Variants in SMIM31 observed in about 807,000 individuals in gnomAD.
SMIM31 encodes the protein small integral membrane protein 31, also known as human epithelial cell program regulator.
chr4:164,794,785 C>G (rs1362976761), intron 2 of SMIM31, among the ~76,000 whole-genome samples: 1 of 151,550 alleles, frequency 6.6e-6, no homozygotes, highest in Admixed American at 6.6e-5. Context: ...AGCCTGGCAA[C>G]AGAGCAAGAC....
intron 1 of SMIM31, among the ~76,000 whole-genome samples, chr4:164,763,495 T>G (rs1732678557): frequency 6.6e-6 from 1 of 152,164 alleles, no homozygotes; most frequent in African/African-American, 2.4e-5. Context: ...AGAAAAAAAC[T>G]TTTTAAAGAA....
At chr4:164,783,061 T>A (rs6840424) in intron 2 of SMIM31, among the ~76,000 whole-genome samples, 79,148 of 148,984 alleles carry the variant, frequency 0.53, 21,014 homozygotes, top group African/African-American at 0.58. Flanking sequence ...CTACTAAAAA[T>A]ACAAAAATTA....
intron 2 of SMIM31, among the ~76,000 whole-genome samples, chr4:164,778,073 G>A (rs1732900107): frequency 6.6e-6 from 1 of 151,864 alleles, no homozygotes; most frequent in Admixed American, 6.6e-5. Flanking sequence ...TTTCAAAGCT[G>A]GCCTCACAAA....
At chr4:164,769,761 C>T (rs1372201192) in intron 1 of SMIM31, among the ~76,000 whole-genome samples, 4 of 150,900 alleles carry the variant, frequency 2.7e-5, no homozygotes, top group South Asian at 2.1e-4. Flanking sequence ...AAAAAAACTC[C>T]TCTCCAATCA....
At chr4:164,798,217 T>C (rs1733230405) in intron 2 of SMIM31, among the ~76,000 whole-genome samples, 3 of 148,190 alleles carry the variant, frequency 2.0e-5, no homozygotes, top group African/African-American at 5.0e-5. Flanking sequence ...ATCTTTTTGA[T>C]ATAATGATTT....
At position 164,802,525 on chromosome 4, in the gene SMIM31, C is replaced by G. The variant is rs902830520; in HGVS notation, c.*1331C>G. ...CACTGGGATTACACGCATGAGCCAC[C>G]ATGCCTGGCCTGTTATTTATAACTC... is the stretch of plus-strand genomic sequence containing the variant. On this transcript the variant is annotated 3_prime_UTR_variant, in exon 3 of 3. Coordinates refer to ENST00000507311, the MANE Select transcript of SMIM31 (RefSeq NM_001352885.1). 1.3e-5 allele frequency: 2 copies of G among 152,260 alleles called. No individual in the cohort carries two copies. The highest frequency in any genetic ancestry group is 4.8e-5 in the African/African-American group (2 of 41,470). 9.4% of individuals were successfully genotyped at this position (152,260 alleles called of 1,614,324 possible).
chr4:164,788,055 A>G (rs1733049594), intron 2 of SMIM31, among the ~76,000 whole-genome samples: 1 of 152,180 alleles, frequency 6.6e-6, no homozygotes, highest in Non-Finnish European at 1.5e-5. Context: ...CACAATATAT[A>G]TTAGGAAGAC....
At chr4:164,759,954 G>GT (rs1293304099) in intron 1 of SMIM31, among the ~76,000 whole-genome samples, 2 of 152,192 alleles carry the variant, frequency 1.3e-5, no homozygotes, top group African/African-American at 4.8e-5. Flanking sequence ...CACTGAGAAA[G>GT]TAACACCTCT....
In SMIM31 at chr4:164,795,906, C is replaced by T. The variant is rs1287661261; in HGVS notation, c.113-5185C>T. Among the ~76,000 whole-genome samples the T allele has an allele frequency of 2.0e-5, 3 of 152,112 alleles. No individual in the cohort carries two copies. In the East Asian group the frequency reaches 5.8e-4, roughly 29 times the overall value. ...TCTAGTGAGGTGCAATATCTCAGTT[C>T]CCTCCATTCGGCTTCTGATCACAGG... On this transcript the variant is annotated intron_variant, in intron 2 of 2. Coordinates refer to ENST00000507311, the MANE Select transcript of SMIM31 (RefSeq NM_001352885.1).
At chr4:164,775,793 C>G (rs548192078) in intron 2 of SMIM31, among the ~76,000 whole-genome samples, 1 of 152,322 alleles carries the variant, frequency 6.6e-6, no homozygotes, top group East Asian at 1.9e-4. Flanking sequence ...ATTAGGGGCT[C>G]TAGCTCAGGG....
At chr4:164,772,328 G>A (rs1732815030) in intron 2 of SMIM31, among the ~76,000 whole-genome samples, 1 of 152,090 alleles carries the variant, frequency 6.6e-6, no homozygotes, top group Non-Finnish European at 1.5e-5. Context: ...GTTAAATCAT[G>A]AGAAACTGCC....
intron 2 of SMIM31, among the ~76,000 whole-genome samples, chr4:164,775,679 A>G (rs968438207): frequency 6.6e-6 from 1 of 152,210 alleles, no homozygotes; most frequent in African/African-American, 2.4e-5. Flanking sequence ...CCTATATATG[A>G]CAAACTGGTG....
chr4:164,761,572 G>A (rs1242039939), intron 1 of SMIM31, among the ~76,000 whole-genome samples: 2 of 152,104 alleles, frequency 1.3e-5, no homozygotes, highest in African/African-American at 4.8e-5. Flanking sequence ...CACCATCATA[G>A]TTATACCTGG....
At chr4:164,782,376 TA>T (rs1487444245) in intron 2 of SMIM31, among the ~76,000 whole-genome samples, 2,811 of 114,128 alleles carry the variant, frequency 0.025, 262 homozygotes, top group African/African-American at 0.2. Flanking sequence ...CTCTTTCTTT[TA>T]TTTTTTTTTT....
intron 1 of SMIM31, among the ~76,000 whole-genome samples, chr4:164,762,731 C>T (rs537565896): frequency 4.6e-5 from 7 of 150,606 alleles, no homozygotes; most frequent in Admixed American, 1.3e-4. Context: ...CTAATCAGAG[C>T]GCACAATGCT....
At chr4:164,783,617 A>G (rs1182917200) in intron 2 of SMIM31, among the ~76,000 whole-genome samples, 1 of 146,734 alleles carries the variant, frequency 6.8e-6, no homozygotes, top group Non-Finnish European at 1.5e-5. Flanking sequence ...TGCTTCTTAG[A>G]AAAACATGTG....
At chr4:164,800,381 A>G (rs935544928) in intron 2 of SMIM31, among the ~76,000 whole-genome samples, 5 of 151,738 alleles carry the variant, frequency 3.3e-5, no homozygotes, top group African/African-American at 1.2e-4. Flanking sequence ...CTAATTTTTT[A>G]ATTTTTAGTA....
At chr4:164,765,533 T>C (rs1341609889) in intron 1 of SMIM31, among the ~76,000 whole-genome samples, 9 of 151,206 alleles carry the variant, frequency 6.0e-5, no homozygotes, top group South Asian at 4.2e-4. Context: ...AAAGTGCCAC[T>C]GGTTTCAGAT....
At chr4:164,785,877 T>C (rs1299724241) in intron 2 of SMIM31, among the ~76,000 whole-genome samples, 2 of 152,126 alleles carry the variant, frequency 1.3e-5, no homozygotes, top group Admixed American at 6.6e-5. Context: ...TTATTAAATG[T>C]CATGGCTACA....
Sources: gnomAD v4.1 joint callset for allele counts (sites outside exome capture counted in the v4.1 genomes callset) on GRCh38, gnomAD v4.1.1 for gene constraint, MANE v1.5 for transcripts, NCBI Gene and HGNC (gene_info 2026-07-23, HGNC 2026-07-21) for gene names.